Variants in CWC27 observed in about 807,000 individuals in gnomAD.
CWC27 encodes the protein spliceosome-associated protein CWC27 homolog.
CWC27 carries 47 observed loss-of-function variants against 63.6 expected under a neutral mutation model. That is an observed-to-expected ratio of 0.74 (90% confidence interval 0.58 to 0.94). The LOEUF (loss-of-function observed/expected upper bound fraction) is 0.94, where lower values mean the gene tolerates loss of function less well. Ranked by LOEUF, CWC27 falls within the 40% of genes least tolerant of loss-of-function variation. The pLI, the probability that CWC27 is intolerant of heterozygous loss-of-function variation, is 0.00. For synonymous variants in CWC27, 175 were observed against 179.8 expected, an observed-to-expected ratio of 0.97 and a Z score of 0.22; for missense variants, 495 against 554.3, an observed-to-expected ratio of 0.89 and a Z score of 1.07.
intron 10 of CWC27, among the ~76,000 whole-genome samples, chr5:64,867,166 C>G (rs537723542): frequency 6.6e-6 from 1 of 152,150 alleles, no homozygotes; most frequent in East Asian, 1.9e-4. Flanking sequence ...AAGAAAGCAA[C>G]CTCAGGAAGT....
At chr5:64,958,702 A>G (rs1748847661) in intron 11 of CWC27, among the ~76,000 whole-genome samples, 1 of 152,176 alleles carries the variant, frequency 6.6e-6, no homozygotes, top group African/African-American at 2.4e-5. Flanking sequence ...GACAATTTGT[A>G]ACCTGCACAT....
chr5:64,908,854 C>T (rs1747719937), intron 11 of CWC27, among the ~76,000 whole-genome samples: 1 of 152,130 alleles, frequency 6.6e-6, no homozygotes, highest in African/African-American at 2.4e-5. Context: ...CAGTCTGTGT[C>T]TTTTAATTGG....
intron 11 of CWC27, among the ~76,000 whole-genome samples, chr5:64,944,701 A>G (rs1416151519): frequency 6.6e-6 from 1 of 152,124 alleles, no homozygotes; most frequent in Non-Finnish European, 1.5e-5. Flanking sequence ...CTGTAGGCCA[A>G]CAATTTCCAC....
At chr5:64,955,312 A>G (rs538415377) in intron 11 of CWC27, among the ~76,000 whole-genome samples, 1 of 152,308 alleles carries the variant, frequency 6.6e-6, no homozygotes, top group South Asian at 2.1e-4. Context: ...TATAGTTTCT[A>G]CTTTGCAAAT....
chr5:64,885,569 T>G, intron 11 of CWC27, 23 bp downstream of exon 11: 1 of 1,528,408 alleles, frequency 6.5e-7, no homozygotes, highest in Non-Finnish European at 9.0e-7. Flanking sequence ...ATCACGCTTA[T>G]TTTTTCACTT....
chr5:64,806,303 C>A (rs983745588), intron 10 of CWC27, among the ~76,000 whole-genome samples: 1 of 151,976 alleles, frequency 6.6e-6, no homozygotes, highest in Non-Finnish European at 1.5e-5. Context: ...TTAAAAAGTA[C>A]GTTAAATACT....
chr5:64,817,421 A>G lies in CWC27; in HGVS notation c.938+13035A>G, dbSNP rs575905420. Among the ~76,000 whole-genome samples the G allele has an allele frequency of 3.9e-5, 6 of 152,150 alleles. No homozygotes were observed. The South Asian group carries it at 1.2e-3, about 32-fold the overall frequency. On this transcript the variant is annotated intron_variant, in intron 10 of 13. Coordinates refer to ENST00000381070, the MANE Select transcript of CWC27 (RefSeq NM_005869.4). ...ATGTTAGGATCTACTCCTCTAAAAC[A>G]ACAACAACAACAACAAAACCTCAGT...
chr5:64,977,899 C>T (rs1428399889), intron 13 of CWC27, among the ~76,000 whole-genome samples: 2 of 151,592 alleles, frequency 1.3e-5, no homozygotes, highest in Admixed American at 1.3e-4. Flanking sequence ...ATTAAGCCTC[C>T]CCACACCTAA....
chr5:64,936,750 G>A (rs577624622), intron 11 of CWC27, among the ~76,000 whole-genome samples: 4 of 152,146 alleles, frequency 2.6e-5, no homozygotes, highest in South Asian at 2.1e-4. Context: ...TGGTTGGTAC[G>A]CTATTAATTA....
intron 7 of CWC27, among the ~76,000 whole-genome samples, chr5:64,795,352 G>C (rs771397560): frequency 6.6e-6 from 1 of 151,916 alleles, no homozygotes; most frequent in South Asian, 2.1e-4. Context: ...TATTAATTTC[G>C]TATTACTGTT....
intron 10 of CWC27, among the ~76,000 whole-genome samples, chr5:64,878,208 C>G (rs1467998067): frequency 6.6e-6 from 1 of 151,524 alleles, no homozygotes; most frequent in African/African-American, 2.4e-5. Flanking sequence ...TTCCCAAGAC[C>G]CCCACCCAAA....
chr5:64,906,305 A>T (rs1203468154), intron 11 of CWC27, among the ~76,000 whole-genome samples: 2 of 152,116 alleles, frequency 1.3e-5, no homozygotes, highest in Non-Finnish European at 2.9e-5. Context: ...AAGTATTCCT[A>T]TTTCTCCACA....
chr5:64,869,137 C>T (rs937278643), intron 10 of CWC27, among the ~76,000 whole-genome samples: 10 of 151,840 alleles, frequency 6.6e-5, no homozygotes, highest in Non-Finnish European at 1.5e-5. Context: ...TTGGTTTATT[C>T]ATAAAATTAA....
chr5:64,878,881 T>C (rs958189610), intron 10 of CWC27, among the ~76,000 whole-genome samples: 13 of 151,912 alleles, frequency 8.6e-5, no homozygotes, highest in African/African-American at 3.1e-4. Flanking sequence ...TGAGAGAGAC[T>C]TAATTACTTA....
At chr5:64,992,716 A>G (rs529040163) in intron 13 of CWC27, among the ~76,000 whole-genome samples, 100 of 145,634 alleles carry the variant, frequency 6.9e-4, no homozygotes, top group African/African-American at 2.3e-3. Context: ...TTTTTTTTTA[A>G]TAGAGACAGG....
At chr5:64,833,178 CAG>C (rs1745574720) in intron 10 of CWC27, among the ~76,000 whole-genome samples, 1 of 151,784 alleles carries the variant, frequency 6.6e-6, no homozygotes. Flanking sequence ...CCCCCCCACA[CAG>C]ATTTATGTAT....
intron 11 of CWC27, among the ~76,000 whole-genome samples, chr5:64,961,509 T>C (rs187908324): frequency 1.1e-4 from 17 of 152,338 alleles, no homozygotes; most frequent in Admixed American, 9.1e-4. Flanking sequence ...CCCAAGATGC[T>C]TGTATTATAT....
At chr5:64,900,976 A>G (rs1205768847) in intron 11 of CWC27, among the ~76,000 whole-genome samples, 1 of 152,002 alleles carries the variant, frequency 6.6e-6, no homozygotes, top group African/African-American at 2.4e-5. Context: ...ACCTTCTTAA[A>G]ACATTATGAG....
At chr5:64,899,466 GA>G (rs1199157641) in intron 11 of CWC27, among the ~76,000 whole-genome samples, 3 of 151,906 alleles carry the variant, frequency 2.0e-5, no homozygotes, top group Non-Finnish European at 4.4e-5. Context: ...GTAAACTAAG[GA>G]AAAAAAGAAT....
Sources: gnomAD v4.1 joint callset for allele counts (sites outside exome capture counted in the v4.1 genomes callset) on GRCh38, gnomAD v4.1.1 for gene constraint, MANE v1.5 for transcripts, NCBI Gene and HGNC (gene_info 2026-07-23, HGNC 2026-07-21) for gene names.